ABL1: variants seen among roughly 807,000 people sequenced by gnomAD.
The protein encoded by ABL1 is tyrosine-protein kinase ABL1.
Under a neutral mutation model 94.7 loss-of-function variants are expected in ABL1, and 11 were observed. The ratio of observed to expected loss-of-function variants is 0.12; its 90% CI spans 0.07 to 0.19. ABL1 has a LOEUF of 0.19. Ranked by LOEUF, ABL1 falls within the 10% of genes least tolerant of loss-of-function variation. The probability of loss-of-function intolerance (pLI) is 1.00; values close to 1 mark genes in which losing one functional copy is unlikely to be tolerated. For synonymous variants in ABL1, 656 were observed against 622.4 expected, an observed-to-expected ratio of 1.05 and a Z score of -0.80; for missense variants, 1,082 against 1,489.4, an observed-to-expected ratio of 0.73 and a Z score of 4.50.
intron 1 of ABL1, among the ~76,000 whole-genome samples, chr9:130,729,636 G>A (rs1025240393): frequency 1.3e-5 from 2 of 152,048 alleles, no homozygotes; most frequent in South Asian, 2.1e-4. Flanking sequence ...GAAAACAGTC[G>A]TCTCAAATAT....
intron 1 of ABL1, among the ~76,000 whole-genome samples, chr9:130,743,701 G>A (rs550053859): frequency 1.2e-4 from 19 of 152,230 alleles, no homozygotes; most frequent in African/African-American, 4.6e-4. Context: ...GGTTTCCTAG[G>A]GCTATTATGT....
upstream of ABL1, among the ~76,000 whole-genome samples, chr9:130,832,735 T>G (rs1830507429): frequency 6.6e-6 from 1 of 152,246 alleles, no homozygotes; most frequent in Admixed American, 6.5e-5. Context: ...CCCTTTCTTT[T>G]TAGCTAATAG....
intron 10 of ABL1, among the ~76,000 whole-genome samples, chr9:130,883,501 A>G (rs990609974): frequency 6.6e-6 from 1 of 151,914 alleles, no homozygotes; most frequent in Non-Finnish European, 1.5e-5. Flanking sequence ...AACTCAAAAA[A>G]AAAAAAAAAC....
intron 1 of ABL1, among the ~76,000 whole-genome samples, chr9:130,837,894 C>A (rs1830613021): frequency 6.6e-6 from 1 of 152,220 alleles, no homozygotes; most frequent in African/African-American, 2.4e-5. Context: ...CAGGCATTCC[C>A]TGTCAGGGAG....
intron 7 of ABL1, among the ~76,000 whole-genome samples, chr9:130,876,789 T>C (rs1163699799): frequency 1.5e-5 from 2 of 132,680 alleles, no homozygotes; most frequent in East Asian, 2.1e-4. Context: ...CAGGCTGGAG[T>C]GCAGTGGCAT....
At chr9:130,720,483 G>A (rs1831501079) in intron 1 of ABL1, among the ~76,000 whole-genome samples, 1 of 152,180 alleles carries the variant, frequency 6.6e-6, no homozygotes, top group Non-Finnish European at 1.5e-5. Context: ...GCAGCCTAGA[G>A]GCCACTGCAC....
intron 1 of ABL1, among the ~76,000 whole-genome samples, chr9:130,742,499 G>A (rs756932865): frequency 7.2e-5 from 11 of 152,114 alleles, no homozygotes; most frequent in African/African-American, 9.7e-5. Flanking sequence ...TCCAGGTTTC[G>A]TCACATATTC....
chr9:130,861,578 A>G (rs1324493962), intron 3 of ABL1, among the ~76,000 whole-genome samples: 1 of 151,960 alleles, frequency 6.6e-6, no homozygotes, highest in Non-Finnish European at 1.5e-5. Context: ...TTTAAGTAAT[A>G]AGATATTACA....
rs771282386 is a variant in ABL1 at position 130,880,150 on chromosome 9, C to T, written c.1506C>T (p.Ile502=). ...AFETMFQESS[I]SDEVEKELGK... ...AAACAATGTTCCAGGAATCCAGTAT[C>T]TCAGACGGTAAAGTACCCATCCCGG... Residue 502 remains isoleucine (I), a synonymous_variant, in exon 9 of 11, where the codon ATC becomes ATT. Transcript: ENST00000318560. The surrounding 1 kb of genome is among the most constrained non-coding windows in gnomAD (Gnocchi z 4.4). 13 of 1,613,996 alleles carry T rather than the reference C, an allele frequency of 8.1e-6. No individual in the cohort carries two copies. In the South Asian group the frequency reaches 1.2e-4, roughly 15 times the overall value.
chr9:130,796,975 C>T (rs1469183119), intron 1 of ABL1, among the ~76,000 whole-genome samples: 14 of 145,912 alleles, frequency 9.6e-5, no homozygotes, highest in African/African-American at 3.1e-4. Flanking sequence ...CAGTGGCTCA[C>T]GCCTGTAATC....
chr9:130,714,078 CATT>C (rs1294078537), exon 1 of ABL1: 4 of 389,664 alleles, frequency 1.0e-5, no homozygotes, highest in Non-Finnish European at 1.8e-5. Flanking sequence ...TTTTGGGTAA[CATT>C]GCAATTACAT....
rs200206549 is a variant in ABL1, at chr9:130,884,190, G to A, written c.1900G>A (p.Gly634Ser). 39 of 1,612,082 alleles carry A rather than the reference G, an allele frequency of 2.4e-5. No homozygotes were observed. The highest frequency in any genetic ancestry group is 3.3e-4 in the Middle Eastern group (2 of 6,048). Residue 634 changes from glycine (G) to serine (S), a missense_variant, in exon 11 of 11, where the codon GGC becomes AGC. Around this residue, in one of 7 missense-constraint regions of ABL1, gnomAD observed 780 missense variants for 835.8 expected, o/e 0.93. Transcript: ENST00000318560. The surrounding 1 kb of genome is among the most constrained non-coding windows in gnomAD (Gnocchi z 5.6). ...MDGQPERRGAGEEEGRDISNG... is the reference protein window; with the variant it reads ...MDGQPERRGASEEEGRDISNG... The stretch of plus-strand genomic sequence containing the variant: ...CGGCCAGCCGGAGCGCAGAGGGGCC[G>A]GCGAGGAAGAGGGCCGAGACATCAG...
intron 1 of ABL1, among the ~76,000 whole-genome samples, chr9:130,853,697 G>T (rs936746818): frequency 1.3e-5 from 2 of 150,594 alleles, no homozygotes; most frequent in Non-Finnish European, 3.0e-5. Context: ...TTACGGGCGT[G>T]AGCCACCATG....
intron 1 of ABL1, among the ~76,000 whole-genome samples, chr9:130,754,881 A>C (rs1248253883): frequency 6.6e-6 from 1 of 152,186 alleles, no homozygotes; most frequent in Non-Finnish European, 1.5e-5. Flanking sequence ...AGATATATTC[A>C]GGTGGGAAAG....
At chr9:130,828,131 C>G (rs1228584431) in intron 1 of ABL1, among the ~76,000 whole-genome samples, 2 of 151,758 alleles carry the variant, frequency 1.3e-5, no homozygotes, top group Non-Finnish European at 2.9e-5. Flanking sequence ...GTCACCCAGG[C>G]TGGAGTGCAG....
chr9:130,885,492 G>A lies in ABL1; in HGVS notation c.3202G>A (p.Val1068Met), dbSNP rs749413196. 1.4e-5 allele frequency: 22 copies of A among 1,614,016 alleles called. No homozygotes were observed. Among genetic ancestry groups the A allele is most frequent in the African/African-American group, 1.3e-4 (10 of 74,950 alleles). ...CGGCAAAAACCTCTACACGTTCTGC[G>A]TGAGCTATGTGGATTCCATCCAGCA... ...EAGKNLYTFC[V>M]SYVDSIQQMR... The change falls in exon 11 of 11, where the codon GTG becomes ATG. Residue 1068 changes from valine to methionine, a missense_variant. Physicochemically the swap from Val to Met is conservative, Grantham distance 21. Transcript: ENST00000318560.
intron 1 of ABL1, among the ~76,000 whole-genome samples, chr9:130,735,962 T>TATA (rs1554757971): frequency 5.3e-3 from 258 of 48,632 alleles, no homozygotes; most frequent in South Asian, 6.4e-3. Context: ...TATATATATA[T>TATA]TTTTTTTTTT....
chr9:130,741,639 T>C (rs993257672), intron 1 of ABL1, among the ~76,000 whole-genome samples: 2 of 150,502 alleles, frequency 1.3e-5, no homozygotes, highest in African/African-American at 4.9e-5. Context: ...GTTACTGCAC[T>C]GATAATACCA....
rs575513627 is a variant in ABL1, at chr9:130,812,936, C to T, written c.137-41128C>T. ...GCCATTTTAAAAGCCTCAGTAGACC[C>T]GGCGGGTTGGCTCACGCCTGTAATC... On this transcript the variant is annotated intron_variant, in intron 1 of 10. Coordinates refer to the ABL1 transcript ENST00000372348. Among the ~76,000 whole-genome samples, 238 of 152,280 alleles carry T rather than the reference C, an allele frequency of 1.6e-3. 1 individual carries two copies. Among genetic ancestry groups the T allele is most frequent in the African/African-American group, 5.4e-3 (223 of 41,566 alleles).
Sources: allele counts gnomAD v4.1 joint callset (sites outside exome capture counted in the v4.1 genomes callset), GRCh38; gene constraint gnomAD v4.1.1; regional missense constraint gnomAD v4.1.1; non-coding constraint Gnocchi (gnomAD v3.1); transcripts MANE v1.5; gene names NCBI Gene and HGNC (gene_info 2026-07-23, HGNC 2026-07-21).